Variants in CRPPA observed in about 807,000 individuals in gnomAD.
CRPPA encodes CDP-L-ribitol pyrophosphorylase A.
Under a neutral mutation model 52.0 loss-of-function variants are expected in CRPPA, and 43 were observed. That is an observed-to-expected ratio of 0.83 (90% CI 0.65 to 1.07). CRPPA has a LOEUF of 1.07. CRPPA is among the 50% of genes least tolerant of loss of function. The pLI, the probability that CRPPA is intolerant of heterozygous loss-of-function variation, is 0.00. For synonymous variants in CRPPA, 250 were observed against 203.5 expected (o/e 1.23, Z -1.94); for missense variants, 629 against 551.7 (o/e 1.14, Z -1.40).
intron 9 of CRPPA, among the ~76,000 whole-genome samples, chr7:16,131,762 G>A (rs192801635): frequency 1.3e-5 from 2 of 152,262 alleles, no homozygotes; most frequent in African/African-American, 4.8e-5. Context: ...TGTAGTTTTT[G>A]TAAAGATGGA....
intron 6 of CRPPA, chr7:16,270,493 A>G (rs1407355503): frequency 6.6e-6 from 1 of 152,140 alleles, no homozygotes; most frequent in African/African-American, 2.4e-5. Flanking sequence ...CATCAATATA[A>G]TTCATACCAT....
At chr7:16,172,094 A>T (rs1229488929) in intron 9 of CRPPA, among the ~76,000 whole-genome samples, 1 of 152,194 alleles carries the variant, frequency 6.6e-6, no homozygotes, top group Non-Finnish European at 1.5e-5. Context: ...AAGCAATGTG[A>T]CTGCTGTTCT....
chr7:16,118,289 T>C (rs1013943885), intron 9 of CRPPA, among the ~76,000 whole-genome samples: 1 of 152,150 alleles, frequency 6.6e-6, no homozygotes, highest in African/African-American at 2.4e-5. Flanking sequence ...CCGACTTGTG[T>C]AGCCTTTTCT....
At chr7:16,260,752 C>A (rs1448930943) in intron 6 of CRPPA, among the ~76,000 whole-genome samples, 2 of 151,824 alleles carry the variant, frequency 1.3e-5, no homozygotes. Context: ...TTTAAAATTT[C>A]CTTCTGCATG....
chr7:16,263,131 T>G (rs1204964818), intron 6 of CRPPA, among the ~76,000 whole-genome samples: 1 of 152,182 alleles, frequency 6.6e-6, no homozygotes, highest in African/African-American at 2.4e-5. Context: ...GAGCTTCATT[T>G]TTCTCATTAA....
chr7:16,258,454 T>C lies in CRPPA; in HGVS notation c.1055A>G (p.Gln352Arg), dbSNP rs759200865. 6.2e-7 allele frequency: 1 copy of C among 1,604,814 alleles called. No individual in the cohort carries two copies. Among genetic ancestry groups the C allele is most frequent in the South Asian group, 1.1e-5 (1 of 89,392 alleles). The change falls in exon 8 of 10, where the codon CAG becomes CGG. Residue 352 changes from glutamine to arginine, a missense_variant. Coordinates refer to ENST00000407010, the MANE Select transcript of CRPPA (RefSeq NM_001101426.4). ...CTCTTCAAGCATGCTCAGTAACTTCTGGGTTTCTTGAAAATCAGAGGTTGT... is the reference window on the plus strand; with the variant it reads ...CTCTTCAAGCATGCTCAGTAACTTCCGGGTTTCTTGAAAATCAGAGGTTGT... The part of the protein sequence containing the change: ...NVTTSDFQET[Q>R]KLLSMLEESS...
At chr7:16,366,547 A>G (rs1418921711) in intron 3 of CRPPA, among the ~76,000 whole-genome samples, 2 of 152,186 alleles carry the variant, frequency 1.3e-5, no homozygotes, top group Non-Finnish European at 2.9e-5. Context: ...TCACTTCTAA[A>G]CTGCCATACA....
chr7:16,317,252 T>G (rs780663877), intron 3 of CRPPA, among the ~76,000 whole-genome samples: 1 of 152,114 alleles, frequency 6.6e-6, no homozygotes, highest in Non-Finnish European at 1.5e-5. Flanking sequence ...TTCTTCCACA[T>G]TGGGGAATGG....
intron 6 of CRPPA, among the ~76,000 whole-genome samples, chr7:16,272,718 GC>G: frequency 6.6e-6 from 1 of 152,226 alleles, no homozygotes; most frequent in South Asian, 2.1e-4. Flanking sequence ...TTAGGTATTA[GC>G]CCTTTGTCAA....
chr7:16,167,432 C>G (rs1781091229), intron 9 of CRPPA, among the ~76,000 whole-genome samples: 1 of 152,164 alleles, frequency 6.6e-6, no homozygotes. Context: ...AGAAGGTGAT[C>G]AGTACATTCA....
chr7:16,211,687 G>A (rs181558564), intron 9 of CRPPA, among the ~76,000 whole-genome samples: 1 of 152,018 alleles, frequency 6.6e-6, no homozygotes, highest in Non-Finnish European at 1.5e-5. Flanking sequence ...GAGTAAATGC[G>A]GACCTTTGAG....
chr7:16,343,982 G>A (rs1462602811), intron 3 of CRPPA, among the ~76,000 whole-genome samples: 1 of 152,186 alleles, frequency 6.6e-6, no homozygotes, highest in African/African-American at 2.4e-5. Context: ...ACCAATGGCT[G>A]ACCATCAAGC....
intron 6 of CRPPA, among the ~76,000 whole-genome samples, chr7:16,277,859 G>C (rs964337186): frequency 1.3e-5 from 2 of 152,038 alleles, no homozygotes; most frequent in African/African-American, 4.8e-5. Context: ...ACAAGTCTCA[G>C]CCTTATGCTG....
chr7:16,291,604 T>G (rs1201411604), intron 5 of CRPPA, among the ~76,000 whole-genome samples: 1 of 151,764 alleles, frequency 6.6e-6, no homozygotes, highest in East Asian at 1.9e-4. Flanking sequence ...GAGAAAGAAA[T>G]AAAGGGAGGT....
At chr7:16,234,887 G>A (rs1475287172) in intron 8 of CRPPA, among the ~76,000 whole-genome samples, 1 of 152,016 alleles carries the variant, frequency 6.6e-6, no homozygotes, top group Non-Finnish European at 1.5e-5. Flanking sequence ...AAAAGAAGGT[G>A]TTTCAGGTAG....
chr7:16,391,270 T>C (rs544937297), intron 2 of CRPPA, among the ~76,000 whole-genome samples: 1 of 152,238 alleles, frequency 6.6e-6, no homozygotes, highest in African/African-American at 2.4e-5. Context: ...TTGAATGCTG[T>C]CCTTGATTTC....
chr7:16,320,208 A>T (rs1209908344), intron 3 of CRPPA, among the ~76,000 whole-genome samples: 1 of 152,180 alleles, frequency 6.6e-6, no homozygotes, highest in Non-Finnish European at 1.5e-5. Context: ...CTCTACCCAG[A>T]AACAAGAGAG....
At chr7:16,307,673 C>CAAAAAA (rs55682769) in intron 4 of CRPPA, among the ~76,000 whole-genome samples, 3 of 44,340 alleles carry the variant, frequency 6.8e-5, no homozygotes, top group Admixed American at 3.1e-4. Context: ...GAAACTCTGT[C>CAAAAAA]AAAAAAAAAA....
Position 16,091,564 on chromosome 7 carries a change from C to A in CRPPA, c.*131G>T. On this transcript the variant is annotated 3_prime_UTR_variant, in exon 10 of 10. Coordinates refer to ENST00000407010, the MANE Select transcript of CRPPA (RefSeq NM_001101426.4). ...TTAATCTGCTTTATAATCTAAGCAT[C>A]ACATCCTACAAATTATAGAGAAGAT... 1.7e-6 allele frequency: 1 copy of A among 598,502 alleles called. No homozygotes were observed. Among genetic ancestry groups the A allele is most frequent in the Non-Finnish European group, 2.9e-6 (1 of 343,814 alleles). 37.1% of individuals were successfully genotyped at this position (598,502 alleles called of 1,614,324 possible).
Sources: allele counts gnomAD v4.1 joint callset (sites outside exome capture counted in the v4.1 genomes callset), GRCh38; gene constraint gnomAD v4.1.1; transcripts MANE v1.5; gene names NCBI Gene and HGNC (gene_info 2026-07-23, HGNC 2026-07-21).